CDKL3: variants seen among roughly 807,000 people sequenced by gnomAD.
CDKL3 encodes the protein cyclin dependent kinase like 3, also known as cyclin-dependent kinase-like 3.
In CDKL3, 65 loss-of-function variants were observed where a neutral mutation model predicts 69.3. The ratio of observed to expected loss-of-function variants is 0.94; its 90% confidence interval spans 0.77 to 1.15. The LOEUF (loss-of-function observed/expected upper bound fraction) is 1.15. CDKL3 is among the 50% of genes most tolerant of loss of function. The pLI is 0.00. For missense variants in CDKL3, 652 were observed against 689.2 expected (o/e 0.95, Z 0.61); for synonymous variants, 202 against 221.6 (o/e 0.91, Z 0.79).
chr5:134,334,608 T>C (rs1171534008), intron 4 of CDKL3, among the ~76,000 whole-genome samples: 1 of 152,228 alleles, frequency 6.6e-6, no homozygotes, highest in Non-Finnish European at 1.5e-5. Context: ...TCAGTTTCCA[T>C]ATAGTTGTGC....
rs759012629 is a variant in CDKL3 at position 134,308,369 on chromosome 5, T to C, written c.1133A>G (p.Tyr378Cys). The change falls in exon 9 of 13, where the codon TAT becomes TGT. Residue 378 changes from tyrosine (Y) to cysteine (C), a missense_variant. Transcript: ENST00000265334. Reference sequence around the variant, plus strand: ...ATCCTGTTGACCAAGTCCACCTTCATACTCTTTCTTTTTTGGTTCTGAGAT... The same window carrying C: ...ATCCTGTTGACCAAGTCCACCTTCACACTCTTTCTTTTTTGGTTCTGAGAT... ...GDISEPKKKE[Y>C]EGGLGQQDAN... 1.9e-6 allele frequency: 3 copies of C among 1,613,902 alleles called. No homozygotes were observed. The highest frequency in any genetic ancestry group is 1.1e-5 in the South Asian group (1 of 91,088).
chr5:134,283,459 A>T (rs1764718627), downstream of CDKL3, among the ~76,000 whole-genome samples: 2 of 152,194 alleles, frequency 1.3e-5, no homozygotes, highest in African/African-American at 4.8e-5. Context: ...GGCAGCATGC[A>T]AAGAGAGAGC....
At chr5:134,335,683 A>C (rs993484118) in intron 4 of CDKL3, among the ~76,000 whole-genome samples, 13 of 152,166 alleles carry the variant, frequency 8.5e-5, no homozygotes, top group Non-Finnish European at 2.9e-5. Context: ...GTTTCTGCCA[A>C]GAGATCCACT....
chr5:134,306,757 T>TTC, intron 9 of CDKL3, 55 bp from the exon 10 acceptor site: 1 of 982,852 alleles, frequency 1.0e-6, no homozygotes, highest in East Asian at 2.8e-5. Flanking sequence ...ATGCTTTTTT[T>TTC]TTTTTTTTTT....
chr5:134,344,864 C>A (rs1457253005), intron 4 of CDKL3, among the ~76,000 whole-genome samples: 1 of 152,056 alleles, frequency 6.6e-6, no homozygotes, highest in African/African-American at 2.4e-5. Context: ...GAGTTCGAGA[C>A]CAGCCTGACC....
intron 5 of CDKL3, among the ~76,000 whole-genome samples, chr5:134,321,424 C>A (rs186729945): frequency 6.6e-6 from 1 of 152,010 alleles, no homozygotes; most frequent in Non-Finnish European, 1.5e-5. Context: ...TTTCCAAGTG[C>A]TTTAAAAAAG....
At chr5:134,366,621 TC>T in intron 1 of CDKL3, 77 bp from the exon 2 acceptor site, 1 of 872,002 alleles carries the variant, frequency 1.1e-6, no homozygotes, top group Non-Finnish European at 1.7e-6. Context: ...ATAATGCATA[TC>T]CACAATAAAC....
intron 3 of CDKL3, among the ~76,000 whole-genome samples, 156 bp downstream of exon 3, chr5:134,359,741 A>C (rs1755544731): frequency 6.6e-6 from 1 of 152,234 alleles, no homozygotes. Flanking sequence ...TGCAACTAAA[A>C]GGTAGTGCCC....
chr5:134,314,161 C>T (rs112128781), intron 6 of CDKL3, among the ~76,000 whole-genome samples: 30 of 151,810 alleles, frequency 2.0e-4, no homozygotes, highest in Non-Finnish European at 3.8e-4. Context: ...CAAAACAAAA[C>T]GAAACAAACA....
At position 134,314,067 on chromosome 5, in the gene CDKL3, C is replaced by T. The variant is rs532979710; in HGVS notation, c.793-1687G>A. Among the ~76,000 whole-genome samples the T allele has an allele frequency of 9.2e-5, 14 of 152,186 alleles. No individual in the cohort carries two copies. The South Asian group carries it at 2.7e-3, about 29-fold the overall frequency. ...GCTAAGGCGGAAGAATTGCTTGAAC[C>T]CGGGAGACAGGAGGTTGCGGTGAGC... On this transcript the variant is annotated intron_variant, in intron 6 of 12. Coordinates refer to ENST00000265334, the MANE Select transcript of CDKL3 (RefSeq NM_001113575.2).
At position 134,310,812 on chromosome 5, in the gene CDKL3, A is replaced by C. The variant is rs184261021; in HGVS notation, c.881+1480T>G. On this transcript the variant is annotated intron_variant, in intron 7 of 12. Transcript: ENST00000265334. ...AATGGCACTTTAAATATATCATCTT[A>C]TTGTTTGTTTTAGAGTAAAATTCCT... Among the ~76,000 whole-genome samples the C allele has an allele frequency of 1.9e-3, 296 of 152,208 alleles. 3 individuals carry two copies. The highest frequency in any genetic ancestry group is 6.5e-3 in the African/African-American group (270 of 41,516).
At chr5:134,331,582 G>A (rs550440463) in intron 4 of CDKL3, among the ~76,000 whole-genome samples, 34 of 152,204 alleles carry the variant, frequency 2.2e-4, no homozygotes, top group African/African-American at 7.9e-4. Flanking sequence ...ATATTTTGCT[G>A]AGAATGATGG....
At chr5:134,303,175 T>C (rs1766788516) in intron 11 of CDKL3, among the ~76,000 whole-genome samples, 2 of 151,814 alleles carry the variant, frequency 1.3e-5, no homozygotes, top group Admixed American at 6.6e-5. Context: ...CACTGCAACC[T>C]CCGCCTCCCG....
downstream of CDKL3, among the ~76,000 whole-genome samples, chr5:134,284,170 G>GC (rs1474384093): frequency 6.6e-6 from 1 of 152,138 alleles, no homozygotes; most frequent in African/African-American, 2.4e-5. Flanking sequence ...GGGGGAACCA[G>GC]CCCCCAATAT....
chr5:134,340,008 G>A (rs2149557023), intron 4 of CDKL3, among the ~76,000 whole-genome samples: 1 of 152,008 alleles, frequency 6.6e-6, no homozygotes, highest in Admixed American at 6.6e-5. Context: ...AACAAAATTA[G>A]CCAAGCATGA....
chr5:134,342,524 T>C (rs922928046), intron 4 of CDKL3, among the ~76,000 whole-genome samples: 4 of 150,870 alleles, frequency 2.7e-5, no homozygotes, highest in African/African-American at 4.9e-5. Context: ...GGCGTGAACC[T>C]GGGAGGCGGA....
chr5:134,349,135 G>A (rs143320360), intron 4 of CDKL3, among the ~76,000 whole-genome samples: 2 of 152,276 alleles, frequency 1.3e-5, no homozygotes, highest in Non-Finnish European at 2.9e-5. Context: ...TCATAGGGTT[G>A]TTGTAAGGAT....
intron 7 of CDKL3, among the ~76,000 whole-genome samples, chr5:134,310,240 C>T (rs1769051986): frequency 1.3e-5 from 2 of 151,988 alleles, no homozygotes; most frequent in Non-Finnish European, 2.9e-5. Context: ...GGATGGAGTG[C>T]AGTGGCACGA....
chr5:134,308,872 C>T (rs1768615584), intron 7 of CDKL3, 145 bp from the exon 8 acceptor site: 1 of 704,480 alleles, frequency 1.4e-6, no homozygotes, highest in East Asian at 3.1e-5. Flanking sequence ...AGAGATGGCC[C>T]AACATTTACC....
Sources: gnomAD v4.1 joint callset for allele counts (sites outside exome capture counted in the v4.1 genomes callset) on GRCh38, gnomAD v4.1.1 for gene constraint, MANE v1.5 for transcripts, NCBI Gene and HGNC (gene_info 2026-07-23, HGNC 2026-07-21) for gene names.